The following TRAPPC9 variants were observed in gnomAD, a reference collection of about 807,000 sequenced individuals.
TRAPPC9 encodes the protein IKK2 binding protein.
In TRAPPC9, 83 loss-of-function variants were observed where a neutral mutation model predicts 124.0. The ratio of observed to expected loss-of-function variants is 0.67; its 90% CI spans 0.56 to 0.80. TRAPPC9 has a LOEUF of 0.80. Ranked by LOEUF, TRAPPC9 falls within the 30% of genes least tolerant of loss-of-function variation. The pLI is 0.00. For synonymous variants in TRAPPC9, 638 were observed against 617.5 expected, an observed-to-expected ratio of 1.03 and a Z score of -0.49; for missense variants, 1,302 against 1,508.3, an observed-to-expected ratio of 0.86 and a Z score of 2.27.
chr8:140,025,867 T>C (rs1840115573), intron 17 of TRAPPC9, among the ~76,000 whole-genome samples: 1 of 152,220 alleles, frequency 6.6e-6, no homozygotes, highest in South Asian at 2.1e-4. Context: ...GTTACCATTT[T>C]AACAATTCTA....
At chr8:140,423,257 T>C (rs1282801984) in intron 5 of TRAPPC9, among the ~76,000 whole-genome samples, 1 of 151,960 alleles carries the variant, frequency 6.6e-6, no homozygotes. Context: ...GCCAACATGG[T>C]GAAACCCCTT....
At chr8:140,412,902 A>C (rs536960786) in intron 5 of TRAPPC9, among the ~76,000 whole-genome samples, 1 of 152,308 alleles carries the variant, frequency 6.6e-6, no homozygotes, top group South Asian at 2.1e-4. Context: ...GATAAATTAC[A>C]AATTAAGATC....
intron 7 of TRAPPC9, among the ~76,000 whole-genome samples, chr8:140,381,393 C>A (rs542479168): frequency 6.6e-6 from 1 of 151,970 alleles, no homozygotes; most frequent in African/African-American, 2.4e-5. Flanking sequence ...GAGGACCAGG[C>A]GCAGTGGCTC....
Position 139,984,423 on chromosome 8 carries a change from G to T in TRAPPC9, c.2810+4303C>A, listed in dbSNP as rs1837107833. ...AGAGGGCAGATCGCAGGCAAAAGAAGCTTCTTTAGGTTTAGCACAGCCTGG... is the reference window on the plus strand; with the variant it reads ...AGAGGGCAGATCGCAGGCAAAAGAATCTTCTTTAGGTTTAGCACAGCCTGG... On this transcript the variant is annotated intron_variant, in intron 19 of 22. Transcript: ENST00000438773. The surrounding 1 kb of genome is among the most constrained non-coding windows in gnomAD (Gnocchi z 4.3). Among the ~76,000 whole-genome samples the T allele has an allele frequency of 6.7e-6, 1 of 149,334 alleles. No individual in the cohort carries two copies. The highest frequency in any genetic ancestry group is 2.4e-5 in the African/African-American group (1 of 40,944).
intron 17 of TRAPPC9, among the ~76,000 whole-genome samples, chr8:140,091,346 T>A (rs1844554330): frequency 6.6e-6 from 1 of 152,114 alleles, no homozygotes; most frequent in Non-Finnish European, 1.5e-5. Flanking sequence ...AAATGCTGAA[T>A]AAATGTGCAA....
intron 8 of TRAPPC9, among the ~76,000 whole-genome samples, chr8:140,365,345 T>C (rs919472714): frequency 4.6e-5 from 7 of 152,160 alleles, no homozygotes; most frequent in African/African-American, 1.7e-4. Context: ...GGAGTAACAC[T>C]GTGCCCTGCC....
chr8:140,426,916 C>G (rs1303382593), intron 4 of TRAPPC9, among the ~76,000 whole-genome samples: 1 of 151,674 alleles, frequency 6.6e-6, no homozygotes, highest in Non-Finnish European at 1.5e-5. Context: ...TGTTCATGCT[C>G]CCAGTTCTTT....
intron 10 of TRAPPC9, among the ~76,000 whole-genome samples, chr8:140,310,723 T>C (rs1477225974): frequency 1.3e-5 from 2 of 151,610 alleles, no homozygotes; most frequent in East Asian, 3.9e-4. Context: ...GTCCTGGAAA[T>C]GGGGCTGAGG....
chr8:140,328,682 T>C (rs2066806704), intron 9 of TRAPPC9, among the ~76,000 whole-genome samples: 1 of 151,722 alleles, frequency 6.6e-6, no homozygotes, highest in Admixed American at 6.6e-5. Flanking sequence ...CTTACTCAGG[T>C]AACCAAATAC....
intron 4 of TRAPPC9, among the ~76,000 whole-genome samples, chr8:140,433,571 C>T (rs2132594905): frequency 6.6e-6 from 1 of 152,244 alleles, no homozygotes; most frequent in South Asian, 2.1e-4. Flanking sequence ...GCCCAGGTGA[C>T]AGAGCGAGAC....
intron 19 of TRAPPC9, among the ~76,000 whole-genome samples, chr8:139,968,386 G>A (rs891971276): frequency 6.6e-6 from 1 of 152,160 alleles, no homozygotes; most frequent in East Asian, 1.9e-4. Flanking sequence ...GGGATGCCCA[G>A]TCTGACTCCT....
At chr8:139,782,586 G>A (rs556612570) in intron 21 of TRAPPC9, among the ~76,000 whole-genome samples, 1 of 152,222 alleles carries the variant, frequency 6.6e-6, no homozygotes, top group Non-Finnish European at 1.5e-5. Flanking sequence ...TAATGGAGCT[G>A]ATTGGTAACA....
At chr8:139,982,671 T>C (rs1836990978) in intron 19 of TRAPPC9, among the ~76,000 whole-genome samples, 1 of 152,168 alleles carries the variant, frequency 6.6e-6, no homozygotes, top group Admixed American at 6.5e-5. Context: ...ACTCACAAGC[T>C]GAGGAATGAG....
At chr8:140,434,103 G>A (rs2070736586) in intron 4 of TRAPPC9, among the ~76,000 whole-genome samples, 1 of 152,224 alleles carries the variant, frequency 6.6e-6, no homozygotes, top group Admixed American at 6.5e-5. Flanking sequence ...CAAGAGGTGA[G>A]CATGAAGTGG....
intron 15 of TRAPPC9, among the ~76,000 whole-genome samples, chr8:140,269,118 T>A (rs910091452): frequency 4.8e-5 from 7 of 144,744 alleles, no homozygotes; most frequent in Non-Finnish European, 1.0e-4. Context: ...GTACACGAGA[T>A]TTGCACATGT....
chr8:140,329,157 A>G (rs1035207578), intron 9 of TRAPPC9, among the ~76,000 whole-genome samples: 1 of 152,164 alleles, frequency 6.6e-6, no homozygotes, highest in Non-Finnish European at 1.5e-5. Context: ...CCCAAGGATG[A>G]CATCCTGGGG....
chr8:140,059,827 C>G (rs548805863), intron 17 of TRAPPC9, among the ~76,000 whole-genome samples: 44 of 152,300 alleles, frequency 2.9e-4, no homozygotes, highest in African/African-American at 1.0e-3. Context: ...GCTGCATTTT[C>G]AGCTCTAAAT....
At chr8:140,341,394 T>A (rs1467740654) in intron 9 of TRAPPC9, among the ~76,000 whole-genome samples, 1 of 152,130 alleles carries the variant, frequency 6.6e-6, no homozygotes, top group Non-Finnish European at 1.5e-5. Context: ...TAGCTGCCTG[T>A]TCCCATTCAT....
chr8:140,176,621 G>A (rs746670462), intron 17 of TRAPPC9, among the ~76,000 whole-genome samples: 5 of 152,156 alleles, frequency 3.3e-5, no homozygotes, highest in Non-Finnish European at 5.9e-5. Context: ...GCTGCTATGG[G>A]CATCGGTCAT....
Sources: gnomAD v4.1 joint callset for allele counts (sites outside exome capture counted in the v4.1 genomes callset) on GRCh38, gnomAD v4.1.1 for gene constraint, Gnocchi (gnomAD v3.1) non-coding constraint, MANE v1.5 for transcripts, NCBI Gene and HGNC (gene_info 2026-07-23, HGNC 2026-07-21) for gene names.